NPIPA9: variants seen among roughly 807,000 people sequenced by gnomAD.
NPIPA9 encodes the protein nuclear pore complex interacting protein family member A9.
At chr16:18,363,767 G>A (rs1409665937) in intron 6 of NPIPA9, among the ~76,000 whole-genome samples, 1 of 13,778 alleles carries the variant, frequency 7.3e-5, no homozygotes, top group Non-Finnish European at 1.4e-4. Flanking sequence ...TCAGAAGTTC[G>A]AGACCAGTCT....
rs530757837 is a variant in NPIPA9 at position 18,371,541 on chromosome 16, T to C, written c.63+1182A>G. On this transcript the variant is annotated intron_variant, in intron 3 of 9. Coordinates refer to ENST00000427999, the Ensembl canonical transcript of NPIPA9. ...CTTTGTTTTGGTCCGTTTTGTTTGT[T>C]AGAGACAAGAGTGCAGCGGGGCCAT... is the stretch of plus-strand genomic sequence containing the variant. Among the ~76,000 whole-genome samples, 486 of 122,584 alleles carry C rather than the reference T, an allele frequency of 4.0e-3. 7 individuals carry two copies. The highest frequency in any genetic ancestry group is 6.5e-3 in the Non-Finnish European group (374 of 57,384). The allele number at this position is 122,584 out of a possible 152,430, so 80.4% of individuals were successfully genotyped here. A position where few individuals can be genotyped will look rare whatever the true frequency, so the allele number is the denominator to read the frequency against.
At chr16:18,363,541 C>T (rs1900472660) in intron 6 of NPIPA9, among the ~76,000 whole-genome samples, 1 of 90,648 alleles carries the variant, frequency 1.1e-5, no homozygotes, top group Non-Finnish European at 2.2e-5. Context: ...GTGGCACACA[C>T]CTGTAATCCA....
chr16:18,363,484 G>A (rs1377023063), intron 6 of NPIPA9, among the ~76,000 whole-genome samples: 2 of 100,946 alleles, frequency 2.0e-5, no homozygotes, highest in Non-Finnish European at 3.8e-5. Flanking sequence ...GACAGAGTGA[G>A]ACTCTGTCTC....
At chr16:18,371,452 A>T (rs1433715502) in intron 3 of NPIPA9, among the ~76,000 whole-genome samples, 17 of 61,436 alleles carry the variant, frequency 2.8e-4, no homozygotes, top group African/African-American at 9.5e-4. Flanking sequence ...ACTCTGTCTT[A>T]AAAAAAAAAA....
chr16:18,371,451 T>TA (rs778066038), intron 3 of NPIPA9, among the ~76,000 whole-genome samples: 1,336 of 56,592 alleles, frequency 0.024, 36 homozygotes, highest in African/African-American at 0.061. Flanking sequence ...GACTCTGTCT[T>TA]AAAAAAAAAA....
chr16:18,363,977 A>AG (rs1156601763), intron 6 of NPIPA9, among the ~76,000 whole-genome samples: 1 of 28 alleles, frequency 0.036, no homozygotes, highest in South Asian at 0.17. Flanking sequence ...AAAAAAAAAA[A>AG]AGAGAGAGAG....
intron 6 of NPIPA9, among the ~76,000 whole-genome samples, chr16:18,363,485 ACT>A (rs1435146186): frequency 6.2e-4 from 62 of 99,696 alleles, no homozygotes; most frequent in African/African-American, 2.2e-3. Context: ...ACAGAGTGAG[ACT>A]CTGTCTCAAA....
exon 2 of NPIPA9, chr16:18,374,947 C>T: frequency 1.8e-6 from 1 of 558,006 alleles, no homozygotes; most frequent in Non-Finnish European, 3.1e-6. Flanking sequence ...CCAGTAGAGC[C>T]CTCACCTCAG....
At chr16:18,371,393 A>G (rs1900544101) in intron 3 of NPIPA9, 2 of 166,666 alleles carry the variant, frequency 1.2e-5, no homozygotes, top group Non-Finnish European at 2.2e-5. Flanking sequence ...CGGAGGTTGC[A>G]GTGAGCCGAG....
chr16:18,374,903 CTT>C lies in NPIPA9; in HGVS notation c.-143_-142del, dbSNP rs1344855567. The C allele has an allele frequency of 1.9e-6, 1 of 534,628 alleles. No individual in the cohort carries two copies. The highest frequency in any genetic ancestry group is 3.3e-6 in the Non-Finnish European group (1 of 307,474). 33.1% of individuals were successfully genotyped at this position (534,628 alleles called of 1,614,324 possible). A position where few individuals can be genotyped will look rare whatever the true frequency, so the allele number is the denominator to read the frequency against. On this transcript the variant is annotated 5_prime_UTR_variant, in exon 2 of 10. It removes the in-frame stop codon of an upstream open reading frame in the 5' UTR. Transcript: ENST00000427999. ...AGGCCTGCTGAGAGGTGCACAGGGT[CTT>C]GAGTCCAAGCTGCGCCAAGGCGGCA...
At chr16:18,364,917 A>T (rs1900487457) in intron 4 of NPIPA9, among the ~76,000 whole-genome samples, 1 of 127,502 alleles carries the variant, frequency 7.8e-6, no homozygotes, top group African/African-American at 3.3e-5. Context: ...CTCCAGCCTG[A>T]GTGACAGAAT....
intron 3 of NPIPA9, among the ~76,000 whole-genome samples, chr16:18,371,475 A>G (rs1279254259): frequency 2.2e-5 from 3 of 139,200 alleles, no homozygotes; most frequent in East Asian, 4.0e-4. Flanking sequence ...AAAAAAAAAA[A>G]AAGTCATCAA....
chr16:18,370,592 G>A (rs1900530488), intron 3 of NPIPA9, among the ~76,000 whole-genome samples: 2 of 71,878 alleles, frequency 2.8e-5, no homozygotes, highest in East Asian at 5.0e-4. Flanking sequence ...TGGAAATGAT[G>A]GAGTTAGAGA....
At chr16:18,365,039 C>A (rs1900491040) in intron 4 of NPIPA9, among the ~76,000 whole-genome samples, 1 of 115,754 alleles carries the variant, frequency 8.6e-6, no homozygotes, top group South Asian at 2.8e-4. Context: ...CTTTGGGAGG[C>A]CGAGGCAGGC....
chr16:18,364,966 C>T (rs1900488578), intron 4 of NPIPA9, among the ~76,000 whole-genome samples: 1 of 118,910 alleles, frequency 8.4e-6, no homozygotes, highest in African/African-American at 3.6e-5. Flanking sequence ...CACACACACA[C>T]ACAACACAAC....
rs1160235970 is a variant in NPIPA9 at position 18,375,076 on chromosome 16, G to C, written c.-307-7C>G. On this transcript the variant is annotated splice_region_variant and splice_polypyrimidine_tract_variant and intron_variant, in intron 1 of 9. Coordinates refer to ENST00000427999, the Ensembl canonical transcript of NPIPA9. ...GGCTCGGGCTCCCAGCCACCTGCAG[G>C]ACAAGGGCAGTGGTCAGCGGGCGGC... 4 of 727,814 alleles carry C rather than the reference G, an allele frequency of 5.5e-6. 1 individual carries two copies. The highest frequency in any genetic ancestry group is 3.8e-4 in the Middle Eastern group (1 of 2,602). 45.1% of individuals were successfully genotyped at this position (727,814 alleles called of 1,614,324 possible).
rs1413505932 is a variant in NPIPA9, at chr16:18,375,166, G to A, written c.-307-97C>T. 35 of 537,630 alleles carry A rather than the reference G, an allele frequency of 6.5e-5. 5 individuals are homozygous for A. The highest frequency in any genetic ancestry group is 1.1e-4 in the Non-Finnish European group (34 of 308,374). 33.3% of individuals were successfully genotyped at this position (537,630 alleles called of 1,614,324 possible). A position where few individuals can be genotyped will look rare whatever the true frequency, so the allele number is the denominator to read the frequency against. Reference sequence around the variant, plus strand: ...CTCAGCAGACAGGACAGAGCCCGGTGCCATCTGACAGAATGTCCTAGAATG... The same window carrying A: ...CTCAGCAGACAGGACAGAGCCCGGTACCATCTGACAGAATGTCCTAGAATG... On this transcript the variant is annotated intron_variant, in intron 1 of 9. Coordinates refer to ENST00000427999, the Ensembl canonical transcript of NPIPA9.
rs1900519512 is a variant in NPIPA9, at chr16:18,370,011, G to A, written c.64-1625C>T. On this transcript the variant is annotated intron_variant, in intron 3 of 9. Coordinates refer to ENST00000427999, the Ensembl canonical transcript of NPIPA9. ...TAGTTCTTAAAAAGTAACAAGGTGG[G>A]CTGGGCGTGGTGGCTCACGCCTGCA... Among the ~76,000 whole-genome samples, 4 of 142,112 alleles carry A rather than the reference G, an allele frequency of 2.8e-5. No homozygotes were observed. The Admixed American group carries it at 2.8e-4, about 10-fold the overall frequency. The allele number at this position is 142,112 out of a possible 152,430, so 93.2% of individuals were successfully genotyped here.
intron 3 of NPIPA9, among the ~76,000 whole-genome samples, chr16:18,371,477 A>AAAAAAAAAG (rs1214808508): frequency 8.1e-6 from 1 of 123,706 alleles, no homozygotes; most frequent in African/African-American, 3.0e-5. Context: ...AAAAAAAAAA[A>AAAAAAAAAG]GTCATCAAAC....
Sources: allele counts gnomAD v4.1 joint callset (sites outside exome capture counted in the v4.1 genomes callset), GRCh38; gene constraint gnomAD v4.1.1; transcripts MANE v1.5; gene names NCBI Gene and HGNC (gene_info 2026-07-23, HGNC 2026-07-21).